The following ASXL1 variants were observed in gnomAD, a reference collection of about 807,000 sequenced individuals.
ASXL1 encodes the protein polycomb group protein ASXL1.
Under a neutral mutation model 89.1 loss-of-function variants are expected in ASXL1, and 65 were observed. That is an observed-to-expected ratio of 0.73 (90% CI 0.60 to 0.90). ASXL1 has a LOEUF of 0.90. Among genes scored for constraint, ASXL1 ranks in the 40% least tolerant of loss-of-function variants. The probability of loss-of-function intolerance (pLI) is 0.00; values close to 1 mark genes in which losing one functional copy is unlikely to be tolerated. For synonymous variants in ASXL1, 739 were observed against 746.9 expected (o/e 0.99, Z 0.17); for missense variants, 1,786 against 1,942.9 (o/e 0.92, Z 1.52).
At chr20:32,392,373 C>G (rs1417661306) in intron 4 of ASXL1, among the ~76,000 whole-genome samples, 1 of 151,152 alleles carries the variant, frequency 6.6e-6, no homozygotes, top group Non-Finnish European at 1.5e-5. Flanking sequence ...GCCTCTGCCT[C>G]CTGGGTTCAA....
chr20:32,412,622 G>A (rs1387415142), intron 4 of ASXL1, among the ~76,000 whole-genome samples: 3 of 147,322 alleles, frequency 2.0e-5, no homozygotes, highest in African/African-American at 7.5e-5. Flanking sequence ...TTGGAAACAG[G>A]TCTCACTCTG....
In ASXL1 at chr20:32,433,584, C is replaced by G. The variant is rs2123261149; in HGVS notation, c.1386C>G (p.Ser462Arg). The G allele has an allele frequency of 5.6e-6, 9 of 1,614,156 alleles. No homozygotes were observed. Among genetic ancestry groups the G allele is most frequent in the Non-Finnish European group, 7.6e-6 (9 of 1,180,030 alleles). The change falls in exon 12 of 13, where the codon AGC becomes AGG. Residue 462 changes from serine to arginine, a missense_variant. Physicochemically the swap from Ser to Arg is moderately radical, Grantham distance 110. Around this residue, in one of 3 missense-constraint regions of ASXL1, gnomAD observed 1,418 missense variants for 1,427.8 expected, o/e 0.99. Coordinates refer to ENST00000375687, the MANE Select transcript of ASXL1 (RefSeq NM_015338.6). Reference protein sequence around the residue: ...GEAKTDPAGLSSPHLPGTSSA... With the variant: ...GEAKTDPAGLRSPHLPGTSSA... ...CTAAGACTGACCCAGCAGGGCTGAG[C>G]AGTCCCCATCTGCCAGGCACATCCT... is the stretch of plus-strand genomic sequence containing the variant.
rs267605880 is a variant in ASXL1 at position 32,431,463 on chromosome 20, C to T, written c.861C>T (p.Leu287=). The change falls in exon 9 of 13, where the codon CTC becomes CTT. Residue 287 remains leucine, a synonymous_variant. Transcript: ENST00000375687. The part of the protein sequence containing the change: ...PSHFQQQLLF[L]LPEVDRQVGT... ...ACTTCCAGCAGCAGCTCCTCTTCCTCCTGCCTGAAGTAGACAGACAGGTGC... is the reference window on the plus strand; with the variant it reads ...ACTTCCAGCAGCAGCTCCTCTTCCTTCTGCCTGAAGTAGACAGACAGGTGC... 2 of 1,614,190 alleles carry T rather than the reference C, an allele frequency of 1.2e-6. No individual in the cohort carries two copies. Among genetic ancestry groups the T allele is most frequent in the South Asian group, 2.2e-5 (2 of 91,078 alleles).
chr20:32,431,893 T>C (rs564343632), intron 10 of ASXL1, among the ~76,000 whole-genome samples: 1 of 152,338 alleles, frequency 6.6e-6, no homozygotes, highest in Non-Finnish European at 1.5e-5. Context: ...CACTATATTG[T>C]ATGTATGTAC....
chr20:32,418,157 G>A (rs1600554136), intron 4 of ASXL1, among the ~76,000 whole-genome samples: 4 of 151,848 alleles, frequency 2.6e-5, no homozygotes, highest in Admixed American at 2.6e-4. Flanking sequence ...CAGCCCAGAT[G>A]ACAGAGCAAG....
chr20:32,389,703 A>G (rs2048639958), intron 4 of ASXL1, among the ~76,000 whole-genome samples: 1 of 152,158 alleles, frequency 6.6e-6, no homozygotes, highest in African/African-American at 2.4e-5. Context: ...CTCCTGCCTC[A>G]GCCTCACAAG....
chr20:32,380,306 C>A (rs1400429929), intron 4 of ASXL1, among the ~76,000 whole-genome samples: 7 of 151,880 alleles, frequency 4.6e-5, no homozygotes, highest in Non-Finnish European at 7.4e-5. Flanking sequence ...AAATAGATGA[C>A]TACATTTAAA....
chr20:32,406,388 GAA>G (rs111362153), intron 4 of ASXL1, among the ~76,000 whole-genome samples: 1 of 144,404 alleles, frequency 6.9e-6, no homozygotes, highest in Admixed American at 6.9e-5. Context: ...TCTATATGGG[GAA>G]AAAAAAAAAA....
At chr20:32,430,160 C>T (rs2011474660) in intron 8 of ASXL1, 107 bp downstream of exon 8, 2 of 1,380,760 alleles carry the variant, frequency 1.4e-6, no homozygotes, top group African/African-American at 1.5e-5. Flanking sequence ...ATTTTTACTT[C>T]TTGGGTGGCC....
At position 32,438,106 on chromosome 20, in the gene ASXL1, C is replaced by G. The variant is rs2012034563; in HGVS notation, c.*768C>G. On this transcript the variant is annotated 3_prime_UTR_variant, in exon 13 of 13. Transcript: ENST00000375687. ...TGAATTCCTCTGCTTGACATCCTCCCTGTCACTTTGGACCCTATGGGAGTG... is the reference window on the plus strand; with the variant it reads ...TGAATTCCTCTGCTTGACATCCTCCGTGTCACTTTGGACCCTATGGGAGTG... 1 of 233,486 alleles carries G rather than the reference C, an allele frequency of 4.3e-6. No homozygotes were observed. Among genetic ancestry groups the G allele is most frequent in the South Asian group, 1.8e-4 (1 of 5,528 alleles). 14.5% of individuals were successfully genotyped at this position (233,486 alleles called of 1,614,324 possible). A position where few individuals can be genotyped will look rare whatever the true frequency, so the allele number is the denominator to read the frequency against.
At chr20:32,404,544 T>A (rs2048924202) in intron 4 of ASXL1, among the ~76,000 whole-genome samples, 1 of 152,212 alleles carries the variant, frequency 6.6e-6, no homozygotes, top group Non-Finnish European at 1.5e-5. Context: ...TCTCCTAGAA[T>A]CTTTGGGATT....
At chr20:32,389,688 C>T (rs990153245) in intron 4 of ASXL1, among the ~76,000 whole-genome samples, 1 of 152,072 alleles carries the variant, frequency 6.6e-6, no homozygotes, top group African/African-American at 2.4e-5. Flanking sequence ...TGGGTTCAAG[C>T]GATTCTCCTG....
At chr20:32,402,706 A>G (rs2048895717) in intron 4 of ASXL1, among the ~76,000 whole-genome samples, 1 of 152,202 alleles carries the variant, frequency 6.6e-6, no homozygotes, top group South Asian at 2.1e-4. Context: ...CGTAGTGGCT[A>G]ATGATGTTGA....
At chr20:32,432,752 T>C in intron 10 of ASXL1, 128 bp from the exon 11 acceptor site, 2 of 1,179,888 alleles carry the variant, frequency 1.7e-6, no homozygotes, top group Admixed American at 2.0e-5. Context: ...GCTCTGTCCC[T>C]ATAAGAGCAT....
chr20:32,363,965 T>C (rs151263214), intron 1 of ASXL1, among the ~76,000 whole-genome samples: 165 of 152,318 alleles, frequency 1.1e-3, no homozygotes, highest in African/African-American at 3.6e-3. Context: ...GAGCACCTAC[T>C]CTGTGCCAGA....
rs748792916 is a variant in ASXL1 at position 32,437,158 on chromosome 20, G to A, written c.4446G>A (p.Ala1482=). 1.6e-5 allele frequency: 26 copies of A among 1,614,010 alleles called. No homozygotes were observed. Among genetic ancestry groups the A allele is most frequent in the East Asian group, 6.7e-5 (3 of 44,890 alleles). The part of the protein sequence containing the change: ...VQLSHKANFG[A]SHSASLSLQM... ...TGAGCCACAAAGCAAACTTTGGTGCGAGCCACAGTGCATCACTTTCCTTGC... is the reference window on the plus strand; with the variant it reads ...TGAGCCACAAAGCAAACTTTGGTGCAAGCCACAGTGCATCACTTTCCTTGC... The change falls in exon 13 of 13, where the codon GCG becomes GCA. Residue 1482 remains alanine, a synonymous_variant. Coordinates refer to ENST00000375687, the MANE Select transcript of ASXL1 (RefSeq NM_015338.6).
At chr20:32,367,410 A>G (rs993425969) in intron 2 of ASXL1, among the ~76,000 whole-genome samples, 1 of 152,178 alleles carries the variant, frequency 6.6e-6, no homozygotes, top group East Asian at 1.9e-4. Flanking sequence ...AAACAAAGAA[A>G]GTACTTAAAT....
At position 32,433,927 on chromosome 20, in the gene ASXL1, T is replaced by C; in HGVS notation, c.1719+10T>C. 1.2e-6 allele frequency: 2 copies of C among 1,612,008 alleles called. No individual in the cohort carries two copies. Among genetic ancestry groups the C allele is most frequent in the African/African-American group, 1.3e-5 (1 of 74,996 alleles). ...AGTCCCGCCCATCCGGGTAGGAGAC[T>C]GTTTGATTCCTGGCTGCCCTGGAGC... is the stretch of plus-strand genomic sequence containing the variant. On this transcript the variant is annotated intron_variant, in intron 12 of 12. Transcript: ENST00000375687.
intron 4 of ASXL1, among the ~76,000 whole-genome samples, chr20:32,424,931 G>A (rs1021800141): frequency 6.6e-6 from 1 of 152,114 alleles, no homozygotes; most frequent in South Asian, 2.1e-4. Flanking sequence ...GCAGCCAGGC[G>A]CACCTCCCCT....
Sources: allele counts gnomAD v4.1 joint callset (sites outside exome capture counted in the v4.1 genomes callset), GRCh38; gene constraint gnomAD v4.1.1; regional missense constraint gnomAD v4.1.1; transcripts MANE v1.5; gene names NCBI Gene and HGNC (gene_info 2026-07-23, HGNC 2026-07-21).